Variants in ADGRF3 observed in about 807,000 individuals in gnomAD.
The protein encoded by ADGRF3 is adhesion G protein-coupled receptor F3, also known as G protein-coupled receptor 113.
Under a neutral mutation model 93.2 loss-of-function variants are expected in ADGRF3, and 85 were observed. The observed-to-expected ratio is 0.91, with a 90% CI of 0.77 to 1.09. ADGRF3 has a LOEUF of 1.09. ADGRF3 is among the 50% of genes least tolerant of loss of function. The pLI, the probability that ADGRF3 is intolerant of heterozygous loss-of-function variation, is 0.00. For synonymous variants in ADGRF3, 534 were observed against 532.5 expected (o/e 1.00, Z -0.04); for missense variants, 1,125 against 1,246.2 (o/e 0.90, Z 1.46).
At chr2:26,322,153 G>A (rs1205383845) in intron 1 of ADGRF3, among the ~76,000 whole-genome samples, 1 of 150,354 alleles carries the variant, frequency 6.7e-6, no homozygotes, top group African/African-American at 2.5e-5. Flanking sequence ...GTGGTGGTGC[G>A]TGCCTGTAAT....
chr2:26,316,994 T>C lies in ADGRF3; in HGVS notation c.243A>G (p.Glu81=), dbSNP rs137993374. Residue 81 remains glutamate (E), a synonymous_variant, in exon 3 of 14, where the codon GAA becomes GAG. Transcript: ENST00000651242. The stretch of plus-strand genomic sequence containing the variant: ...CAGGGAGAGTCAGTGTCCTGGAGAG[T>C]TCAGGGGGCCAGGTCTTATCTGGAA... The part of the protein sequence containing the change: ...LDFPDKTWPP[E]LSRTLTLPAA... 2.0e-5 allele frequency: 33 copies of C among 1,612,536 alleles called. No homozygotes were observed. Among genetic ancestry groups the C allele is most frequent in the Non-Finnish European group, 2.6e-5 (31 of 1,179,446 alleles).
intron 1 of ADGRF3, among the ~76,000 whole-genome samples, chr2:26,321,243 G>A (rs1675132662): frequency 6.6e-6 from 1 of 152,132 alleles, no homozygotes; most frequent in Non-Finnish European, 1.5e-5. Flanking sequence ...AATCGCTCTT[G>A]TAAATAGCTG....
Position 26,310,776 on chromosome 2 carries a change from G to A in ADGRF3, c.2748C>T (p.Leu916=), listed in dbSNP as rs1574692539. 3 of 1,613,606 alleles carry A rather than the reference G, an allele frequency of 1.9e-6. No individual in the cohort carries two copies. The highest frequency in any genetic ancestry group is 2.5e-6 in the Non-Finnish European group (3 of 1,179,700). ...GAGTGGCCAGGCCCAGCCCCCAGGT[G>A]AGGCCAAAGATGGGTGTAAGAATGA... ...ALLILTPIFG[L]TWGLGLATLL... Residue 916 remains leucine, a synonymous_variant, in exon 10 of 14, where the codon CTC becomes CTT. Coordinates refer to ENST00000651242, the MANE Select transcript of ADGRF3 (RefSeq NM_001321971.2).
intron 1 of ADGRF3, among the ~76,000 whole-genome samples, chr2:26,340,827 C>T (rs1450152721): frequency 4.6e-5 from 7 of 152,084 alleles, no homozygotes; most frequent in African/African-American, 1.2e-4. Context: ...TAAAACTTTG[C>T]CTGCAATCAG....
intron 4 of ADGRF3, 116 bp from the exon 5 acceptor site, chr2:26,315,856 G>T: frequency 7.0e-7 from 1 of 1,435,448 alleles, no homozygotes; most frequent in Non-Finnish European, 9.3e-7. Context: ...TCCCTCCCTA[G>T]CTTTTTAACT....
At chr2:26,339,750 G>A (rs1676267289) in intron 1 of ADGRF3, among the ~76,000 whole-genome samples, 1 of 152,026 alleles carries the variant, frequency 6.6e-6, no homozygotes, top group Non-Finnish European at 1.5e-5. Flanking sequence ...TCTTGAGATA[G>A]GCAGACCAAG....
intron 1 of ADGRF3, among the ~76,000 whole-genome samples, chr2:26,331,612 C>T (rs926337189): frequency 2.6e-5 from 4 of 152,152 alleles, no homozygotes; most frequent in Admixed American, 2.6e-4. Context: ...TACCCGTAAT[C>T]CCAGCTACTT....
At chr2:26,313,647 C>G in intron 7 of ADGRF3, 74 bp from the exon 8 acceptor site, 1 of 1,558,024 alleles carries the variant, frequency 6.4e-7, no homozygotes, top group Non-Finnish European at 8.7e-7. Flanking sequence ...GAACCCTATG[C>G]GGGCCCCGAA....
chr2:26,313,415 T>C lies in ADGRF3; in HGVS notation c.1231A>G (p.Thr411Ala). The C allele has an allele frequency of 6.2e-7, 1 of 1,607,830 alleles. No homozygotes were observed. Among genetic ancestry groups the C allele is most frequent in the Non-Finnish European group, 8.5e-7 (1 of 1,177,314 alleles). The change falls in exon 8 of 14, where the codon ACA (threonine) becomes GCA (alanine). Residue 411 changes from threonine to alanine, a missense_variant. Transcript: ENST00000651242. Reference sequence around the variant, plus strand: ...AACAAGGCCAGGAGCCTCGCATCTGTGCAGCTGCTGTGGACCGGCCCCCAG... The same window carrying C: ...AACAAGGCCAGGAGCCTCGCATCTGCGCAGCTGCTGTGGACCGGCCCCCAG... ...GVWGPVHSSC[T>A]DARLLALFTR...
intron 1 of ADGRF3, among the ~76,000 whole-genome samples, chr2:26,341,594 T>C (rs1186563156): frequency 1.3e-5 from 2 of 152,146 alleles, no homozygotes; most frequent in Admixed American, 6.6e-5. Context: ...TTGAAAAATG[T>C]AAAATATAGC....
chr2:26,309,989 G>T, intron 12 of ADGRF3, 54 bp downstream of exon 12: 2 of 1,614,062 alleles, frequency 1.2e-6, no homozygotes, highest in African/African-American at 1.3e-5. Flanking sequence ...GCCATGGAAT[G>T]CCTTCTGACA....
intron 1 of ADGRF3, 26 bp downstream of exon 1, chr2:26,346,095 C>A (rs1299952688): frequency 6.4e-7 from 1 of 1,553,872 alleles, no homozygotes; most frequent in South Asian, 1.2e-5. Context: ...TACGCGTGCG[C>A]GGTGGGCGGA....
At chr2:26,328,739 A>G (rs1047927071) in intron 1 of ADGRF3, among the ~76,000 whole-genome samples, 3 of 152,242 alleles carry the variant, frequency 2.0e-5, no homozygotes, top group African/African-American at 7.2e-5. Context: ...GGCATGAGGC[A>G]CTGCGCCCAG....
At position 26,312,935 on chromosome 2, in the gene ADGRF3, G is replaced by A. The variant is rs1227429322; in HGVS notation, c.1449+8C>T. ...CAGCTGGCCCCCACTGTGGCTCAGA[G>A]ATCTCACCTTCAGGGCTCTGCGGTC... is the stretch of plus-strand genomic sequence containing the variant. On this transcript the variant is annotated splice_region_variant and intron_variant, in intron 9 of 13. Coordinates refer to ENST00000651242, the MANE Select transcript of ADGRF3 (RefSeq NM_001321971.2). The A allele has an allele frequency of 1.2e-6, 2 of 1,602,452 alleles. No homozygotes were observed. The highest frequency in any genetic ancestry group is 8.5e-7 in the Non-Finnish European group (1 of 1,174,170).
chr2:26,330,457 ACTGTGACTGTTCACAGGTGGGG>A (rs1253677381), intron 1 of ADGRF3, among the ~76,000 whole-genome samples: 1 of 152,092 alleles, frequency 6.6e-6, no homozygotes, highest in Non-Finnish European at 1.5e-5. Flanking sequence ...CCATGCACTT[ACTGTGACTGTTCACAGGTGGGG>A]CCTTGTAGCA....
chr2:26,331,621 T>C (rs1032922697), intron 1 of ADGRF3, among the ~76,000 whole-genome samples: 2 of 152,152 alleles, frequency 1.3e-5, no homozygotes, highest in Non-Finnish European at 2.9e-5. Flanking sequence ...TCCCAGCTAC[T>C]TGGGAGGCGG....
chr2:26,310,633 C>T (rs1009482351), intron 10 of ADGRF3, 59 bp downstream of exon 10: 49 of 1,508,252 alleles, frequency 3.2e-5, no homozygotes, highest in Admixed American at 6.0e-5. Flanking sequence ...GAGAAGAGAT[C>T]GGCAGTGACT....
At chr2:26,328,454 GT>G (rs35836521) in intron 1 of ADGRF3, among the ~76,000 whole-genome samples, 154 of 132,046 alleles carry the variant, frequency 1.2e-3, no homozygotes, top group Middle Eastern at 4.0e-3. Context: ...GGCCTTTTTA[GT>G]TTTTTTTTTT....
Position 26,346,311 on chromosome 2 carries a change from C to A in ADGRF3, c.-77G>T. 6.2e-7 allele frequency: 1 copy of A among 1,601,268 alleles called. No homozygotes were observed. Among genetic ancestry groups the A allele is most frequent in the Non-Finnish European group, 8.5e-7 (1 of 1,172,310 alleles). On this transcript the variant is annotated 5_prime_UTR_variant, in exon 1 of 14. Transcript: ENST00000651242. ...CAAGGTACCGCGGGCCGGCGGATGCCCCTCTCCCTGCTCCCGGCCTCGCCC... is the reference window on the plus strand; with the variant it reads ...CAAGGTACCGCGGGCCGGCGGATGCACCTCTCCCTGCTCCCGGCCTCGCCC...
Sources: allele counts gnomAD v4.1 joint callset (sites outside exome capture counted in the v4.1 genomes callset), GRCh38; gene constraint gnomAD v4.1.1; transcripts MANE v1.5; gene names NCBI Gene and HGNC (gene_info 2026-07-23, HGNC 2026-07-21).